Variants in THSD4 observed in about 807,000 individuals in gnomAD.
THSD4 encodes the protein thrombospondin type 1 domain containing 4.
In THSD4, 69 loss-of-function variants were observed where a neutral mutation model predicts 119.0. The ratio of observed to expected loss-of-function variants is 0.58; its 90% CI spans 0.48 to 0.71. THSD4 has a LOEUF of 0.71. Ranked by LOEUF, THSD4 falls within the 30% of genes least tolerant of loss-of-function variation. The probability of loss-of-function intolerance (pLI) is 0.00; values close to 1 mark genes in which losing one functional copy is unlikely to be tolerated. For missense variants in THSD4, 1,393 were observed against 1,391.1 expected, an observed-to-expected ratio of 1.00 and a Z score of -0.02; for synonymous variants, 524 against 540.4, an observed-to-expected ratio of 0.97 and a Z score of 0.42.
chr15:71,130,608 AT>A (rs1018692473), intron 1 of THSD4, among the ~76,000 whole-genome samples: 3 of 152,310 alleles, frequency 2.0e-5, no homozygotes, highest in African/African-American at 7.2e-5. Flanking sequence ...TACTGTTTTA[AT>A]TCTTACAGCC....
rs2053990510 is a variant in THSD4, at chr15:71,781,023, G to A, written c.*3649G>A. On this transcript the variant is annotated 3_prime_UTR_variant, in exon 18 of 18. Transcript: ENST00000261862. ...TGAGGAGGAAGACATAAATATAAGTGGTAAAAAGAAACATGACTTCCCTTA... is the reference window on the plus strand; with the variant it reads ...TGAGGAGGAAGACATAAATATAAGTAGTAAAAAGAAACATGACTTCCCTTA... 1 of 322,260 alleles carries A rather than the reference G, an allele frequency of 3.1e-6. No homozygotes were observed. Among genetic ancestry groups the A allele is most frequent in the Admixed American group, 4.0e-5 (1 of 25,220 alleles). The allele number at this position is 322,260 out of a possible 1,614,324, so 20.0% of individuals were successfully genotyped here.
chr15:71,411,567 T>C, intron 6 of THSD4, 120 bp from the exon 7 acceptor site: 1 of 1,136,470 alleles, frequency 8.8e-7, no homozygotes, highest in Non-Finnish European at 1.2e-6. Flanking sequence ...AATGCTTAAT[T>C]TTGTGTTATA....
intron 3 of THSD4, among the ~76,000 whole-genome samples, chr15:71,183,517 G>T (rs1396431440): frequency 1.3e-5 from 2 of 151,620 alleles, no homozygotes; most frequent in Non-Finnish European, 2.9e-5. Flanking sequence ...TATCACGTAG[G>T]TTGTCTTGAG....
chr15:71,334,644 C>T (rs1405529528), intron 6 of THSD4, among the ~76,000 whole-genome samples: 3 of 152,188 alleles, frequency 2.0e-5, no homozygotes, highest in African/African-American at 7.2e-5. Context: ...CGGCCAAATG[C>T]CAGCCCATCA....
chr15:71,765,698 T>C (rs1222567954), intron 16 of THSD4, among the ~76,000 whole-genome samples: 1 of 152,036 alleles, frequency 6.6e-6, no homozygotes, highest in African/African-American at 2.4e-5. Context: ...AGGCTAGGAG[T>C]TTGACACCAG....
intron 6 of THSD4, among the ~76,000 whole-genome samples, chr15:71,399,888 A>G (rs7170942): frequency 0.15 from 23,123 of 152,248 alleles, 1,828 homozygotes; most frequent in South Asian, 0.24. Flanking sequence ...TGTTGTGGAA[A>G]ATTAGAACTG....
chr15:71,407,049 T>A (rs1365681234), intron 6 of THSD4, among the ~76,000 whole-genome samples: 1 of 152,204 alleles, frequency 6.6e-6, no homozygotes, highest in Non-Finnish European at 1.5e-5. Context: ...TTGACTCTTT[T>A]ATTATTATAA....
intron 7 of THSD4, among the ~76,000 whole-genome samples, chr15:71,501,457 T>A (rs2048111676): frequency 6.6e-6 from 1 of 152,220 alleles, no homozygotes; most frequent in Non-Finnish European, 1.5e-5. Flanking sequence ...GTTCTGTTCA[T>A]TCTCAATCTC....
chr15:71,215,526 G>A lies in THSD4; in HGVS notation c.464+127G>A, dbSNP rs997312331. 10 of 1,043,268 alleles carry A rather than the reference G, an allele frequency of 9.6e-6. No homozygotes were observed. The African/African-American group carries it at 1.4e-4, about 14-fold the overall frequency. 64.6% of individuals were successfully genotyped at this position (1,043,268 alleles called of 1,614,324 possible). A position where few individuals can be genotyped will look rare whatever the true frequency, so the allele number is the denominator to read the frequency against. Reference sequence around the variant, plus strand: ...GACTAATGCATTGCTCTGCCAGGTGGCAAGGAGCTCTGGGCTCCACGAAGC... The same window carrying A: ...GACTAATGCATTGCTCTGCCAGGTGACAAGGAGCTCTGGGCTCCACGAAGC... On this transcript the variant is annotated intron_variant, in intron 4 of 17. Coordinates refer to ENST00000261862, the MANE Select transcript of THSD4 (RefSeq NM_024817.3).
At chr15:71,573,031 C>G (rs1169324672) in intron 7 of THSD4, among the ~76,000 whole-genome samples, 1 of 152,122 alleles carries the variant, frequency 6.6e-6, no homozygotes, top group Admixed American at 6.5e-5. Context: ...ATCCCAAAGA[C>G]TTCGTGAGGC....
chr15:71,447,118 G>T (rs12913998), intron 7 of THSD4, among the ~76,000 whole-genome samples: 16,459 of 76,094 alleles, frequency 0.22, 2,265 homozygotes, highest in Middle Eastern at 0.34. Context: ...CATTTTTTTT[G>T]TTTTTTTTTT....
intron 3 of THSD4, among the ~76,000 whole-genome samples, chr15:71,199,551 T>A: frequency 4.0e-5 from 5 of 124,056 alleles, no homozygotes; most frequent in African/African-American, 1.8e-4. Flanking sequence ...GTATGTGTGG[T>A]GTGTGTATGT....
rs2053965948 is a variant in THSD4, at chr15:71,779,505, C to G, written c.*2131C>G. The G allele has an allele frequency of 6.6e-6, 1 of 152,218 alleles. No homozygotes were observed. Among genetic ancestry groups the G allele is most frequent in the Non-Finnish European group, 1.5e-5 (1 of 68,066 alleles). The allele number at this position is 152,218 out of a possible 1,614,324, so 9.4% of individuals were successfully genotyped here. ...GGAAGAGAGAAAGGCTGTTTTAGCT[C>G]AAGTTAAAGGAACACCTTCTAGCCA... On this transcript the variant is annotated 3_prime_UTR_variant, in exon 18 of 18. Transcript: ENST00000261862.
At chr15:71,496,989 C>T (rs2048027209) in intron 7 of THSD4, among the ~76,000 whole-genome samples, 1 of 152,176 alleles carries the variant, frequency 6.6e-6, no homozygotes, top group Non-Finnish European at 1.5e-5. Context: ...GAAGGAAATA[C>T]ATGAACACTG....
chr15:71,442,600 ATGTGTGTG>A (rs1296595218), intron 7 of THSD4, among the ~76,000 whole-genome samples: 1,554 of 44,790 alleles, frequency 0.035, 263 homozygotes, highest in African/African-American at 0.089. Flanking sequence ...ATATATATAT[ATGTGTGTG>A]TGTGTGTGTG....
intron 11 of THSD4, chr15:71,738,255 A>G: frequency 2.0e-6 from 1 of 504,904 alleles, no homozygotes; most frequent in Non-Finnish European, 3.5e-6. Flanking sequence ...CACAGTTCAC[A>G]ATAGGGTTCA....
intron 16 of THSD4, among the ~76,000 whole-genome samples, chr15:71,770,824 TG>T (rs2053809463): frequency 1.3e-5 from 2 of 152,294 alleles, no homozygotes; most frequent in Admixed American, 6.5e-5. Context: ...ATGGAAGAAG[TG>T]ATCAGATGTC....
Position 71,748,713 on chromosome 15 carries a change from A to G in THSD4, c.2415+119A>G, listed in dbSNP as rs370545528. The G allele has an allele frequency of 2.0e-4, 262 of 1,282,636 alleles. No individual in the cohort carries two copies. The African/African-American group carries it at 2.9e-3, about 14-fold the overall frequency. 79.5% of individuals were successfully genotyped at this position (1,282,636 alleles called of 1,614,324 possible). A position where few individuals can be genotyped will look rare whatever the true frequency, so the allele number is the denominator to read the frequency against. On this transcript the variant is annotated intron_variant, in intron 14 of 17. Transcript: ENST00000261862. Reference sequence around the variant, plus strand: ...ACTGATTTCTGGCTCTGGGGGGAAAAAAAAGGCCCAGAGAGGAATTATCGT... The same window carrying G: ...ACTGATTTCTGGCTCTGGGGGGAAAGAAAAGGCCCAGAGAGGAATTATCGT...
intron 7 of THSD4, among the ~76,000 whole-genome samples, chr15:71,430,786 G>A (rs8029346): frequency 0.96 from 125,948 of 131,608 alleles, 60,311 homozygotes; most frequent in South Asian, 0.99. Context: ...AAAAAAAAGA[G>A]AGTTACATTC....
Sources: gnomAD v4.1 joint callset for allele counts (sites outside exome capture counted in the v4.1 genomes callset) on GRCh38, gnomAD v4.1.1 for gene constraint, MANE v1.5 for transcripts, NCBI Gene and HGNC (gene_info 2026-07-23, HGNC 2026-07-21) for gene names.